Variants in PCBP3 observed in about 807,000 individuals in gnomAD.
PCBP3 encodes poly(rC) binding protein 3.
A neutral mutation model predicts 52.7 loss-of-function variants in PCBP3; 25 were observed. That is an observed-to-expected ratio of 0.47 (90% confidence interval 0.35 to 0.66). PCBP3 has a LOEUF of 0.66. Ranked by LOEUF, PCBP3 falls within the 30% of genes least tolerant of loss-of-function variation. The probability of loss-of-function intolerance (pLI) is 0.01; values close to 1 mark genes in which losing one functional copy is unlikely to be tolerated. For missense variants in PCBP3, 391 were observed against 490.3 expected, an observed-to-expected ratio of 0.80 and a Z score of 1.91; for synonymous variants, 162 against 183.0, an observed-to-expected ratio of 0.89 and a Z score of 0.93.
chr21:45,900,951 C>T, intron 8 of PCBP3, 46 bp from the exon 9 acceptor site: 1 of 1,428,908 alleles, frequency 7.0e-7, no homozygotes, highest in Non-Finnish European at 9.9e-7. Context: ...CCCACTGGCC[C>T]AAGGGTTTTA....
chr21:45,743,966 C>T (rs955717940), intron 3 of PCBP3, among the ~76,000 whole-genome samples: 1 of 151,984 alleles, frequency 6.6e-6, no homozygotes, highest in Non-Finnish European at 1.5e-5. Flanking sequence ...AGCCTGGAGC[C>T]TATTTTGGAG....
chr21:45,733,501 C>CAGGA (rs887892842), intron 2 of PCBP3, among the ~76,000 whole-genome samples: 168 of 152,136 alleles, frequency 1.1e-3, no homozygotes, highest in African/African-American at 4.0e-3. Context: ...CTGTGTTAGC[C>CAGGA]AGGATGGTCT....
chr21:45,785,061 C>T (rs940122614), intron 4 of PCBP3, among the ~76,000 whole-genome samples: 2 of 151,844 alleles, frequency 1.3e-5, no homozygotes, highest in African/African-American at 4.8e-5. Context: ...TGGGGAGCGC[C>T]TCTGCCCTGT....
At chr21:45,940,350 G>T in intron 17 of PCBP3, 151 bp downstream of exon 17, 1 of 683,434 alleles carries the variant, frequency 1.5e-6, no homozygotes. Context: ...GCTGGATGGT[G>T]GGGACAGGAT....
At chr21:45,890,145 T>C (rs1305180433) in intron 5 of PCBP3, among the ~76,000 whole-genome samples, 1 of 152,172 alleles carries the variant, frequency 6.6e-6, no homozygotes, top group Non-Finnish European at 1.5e-5. Flanking sequence ...CGGGAGAGAA[T>C]GGAGCAGACA....
chr21:45,911,222 C>A, intron 11 of PCBP3, 192 bp downstream of exon 11: 1 of 684,560 alleles, frequency 1.5e-6, no homozygotes, highest in Non-Finnish European at 2.6e-6. Context: ...GGGCTGCCAG[C>A]TCAGGGTCCA....
intron 7 of PCBP3, 77 bp from the exon 8 acceptor site, chr21:45,900,514 T>C (rs973110611): frequency 8.5e-7 from 1 of 1,174,182 alleles, no homozygotes; most frequent in Non-Finnish European, 1.3e-6. Context: ...GCCAGGCTGC[T>C]CCCCACCCAC....
intron 2 of PCBP3, among the ~76,000 whole-genome samples, chr21:45,683,709 G>A (rs1480280469): frequency 1.3e-5 from 2 of 152,128 alleles, no homozygotes; most frequent in African/African-American, 2.4e-5. Context: ...GGCAGATCAC[G>A]AGGTCAGGAG....
chr21:45,935,605 A>G (rs2076810744), intron 16 of PCBP3: 2 of 502,772 alleles, frequency 4.0e-6, no homozygotes, highest in Non-Finnish European at 7.6e-6. Context: ...CTGTGGAGGC[A>G]CTGCCCTGGT....
intron 5 of PCBP3, among the ~76,000 whole-genome samples, chr21:45,881,691 G>T (rs765659973): frequency 6.6e-6 from 1 of 152,148 alleles, no homozygotes; most frequent in Non-Finnish European, 1.5e-5. Flanking sequence ...AACTGAACTT[G>T]TGCCAGTGAC....
chr21:45,746,960 C>G (rs2086943474), intron 3 of PCBP3, among the ~76,000 whole-genome samples: 1 of 146,930 alleles, frequency 6.8e-6, no homozygotes, highest in Non-Finnish European at 1.5e-5. Context: ...ACGGTGTTGT[C>G]AGCATCGCTG....
chr21:45,898,650 T>TACACACC lies in PCBP3; in HGVS notation c.166-949_166-948insACACACC, dbSNP rs2095916341. On this transcript the variant is annotated intron_variant, in intron 6 of 17. Transcript: ENST00000681687. ...CTCCCTCTCCCTCCACGGGCCCCTC[T>TACACACC]GCACACCGTCCTCACAGCCTCCCTC... is the stretch of plus-strand genomic sequence containing the variant. Among the ~76,000 whole-genome samples the TACACACC allele has an allele frequency of 1.7e-4, 17 of 99,468 alleles. 2 individuals carry two copies. The highest frequency in any genetic ancestry group is 5.8e-4 in the African/African-American group (15 of 25,742). 65.3% of individuals were successfully genotyped at this position (99,468 alleles called of 152,430 possible).
intron 2 of PCBP3, among the ~76,000 whole-genome samples, chr21:45,731,497 C>T (rs182279106): frequency 1.3e-5 from 2 of 152,262 alleles, no homozygotes; most frequent in Non-Finnish European, 2.9e-5. Context: ...GAGAGTTTGC[C>T]AAAGTTCATC....
In PCBP3 at chr21:45,913,992, C is replaced by T. The variant is rs369327380; in HGVS notation, c.642C>T (p.Pro214=). The change falls in exon 12 of 18, where the codon CCC becomes CCT. Residue 214 remains proline, a synonymous_variant. Coordinates refer to ENST00000681687, the MANE Select transcript of PCBP3 (RefSeq NM_001384156.1). ...CCACCATTCCCTACCGCCCAAAGCC[C>T]GCCTCCACCCCTGTCATTTTTGCAG... ...KGATIPYRPK[P]ASTPVIFAGG... The T allele has an allele frequency of 1.7e-5, 28 of 1,613,620 alleles. No individual in the cohort carries two copies. Among genetic ancestry groups the T allele is most frequent in the East Asian group, 8.9e-5 (4 of 44,884 alleles).
chr21:45,851,864 AT>A (rs1288238095), intron 5 of PCBP3, among the ~76,000 whole-genome samples: 1 of 152,248 alleles, frequency 6.6e-6, no homozygotes, highest in Non-Finnish European at 1.5e-5. Context: ...TCTCAGACAC[AT>A]TTTTATGGGT....
At chr21:45,925,551 C>G (rs2075287218) in intron 13 of PCBP3, among the ~76,000 whole-genome samples, 1 of 151,434 alleles carries the variant, frequency 6.6e-6, no homozygotes, top group Non-Finnish European at 1.5e-5. Flanking sequence ...AATAGGCAAG[C>G]AAACAAGCAA....
intron 2 of PCBP3, among the ~76,000 whole-genome samples, chr21:45,730,550 T>TTAAC (rs1269488923): frequency 1.1e-4 from 16 of 152,174 alleles, no homozygotes; most frequent in Non-Finnish European, 2.2e-4. Flanking sequence ...TAAATAATGT[T>TTAAC]GGATGATAAT....
At chr21:45,831,293 A>C (rs973409948) in intron 4 of PCBP3, 3 of 152,140 alleles carry the variant, frequency 2.0e-5, no homozygotes, top group African/African-American at 7.3e-5. Context: ...CCTGTAATCC[A>C]GACTACCTAG....
At position 45,788,350 on chromosome 21, in the gene PCBP3, C is replaced by T. The variant is rs1026478087; in HGVS notation, c.-126+32898C>T. ...AGGTGGGCTGGCAGGACAGGCGGCC[C>T]CAGGCCGGGAGAAGGAGACACTCCC... is the stretch of plus-strand genomic sequence containing the variant. On this transcript the variant is annotated intron_variant, in intron 4 of 17. Transcript: ENST00000681687. The surrounding 1 kb of genome is among the most constrained non-coding windows in gnomAD (Gnocchi z 4.3). 5 of 152,376 alleles carry T rather than the reference C, an allele frequency of 3.3e-5. No homozygotes were observed. The highest frequency in any genetic ancestry group is 5.9e-5 in the Non-Finnish European group (4 of 68,234). The allele number at this position is 152,376 out of a possible 1,614,324, so 9.4% of individuals were successfully genotyped here.
Sources: allele counts gnomAD v4.1 joint callset (sites outside exome capture counted in the v4.1 genomes callset), GRCh38; gene constraint gnomAD v4.1.1; non-coding constraint Gnocchi (gnomAD v3.1); transcripts MANE v1.5; gene names NCBI Gene and HGNC (gene_info 2026-07-23, HGNC 2026-07-21).